The following LRP1B variants were observed in gnomAD, a reference collection of about 807,000 sequenced individuals.
LRP1B encodes the protein low-density lipoprotein receptor-related protein 1B.
Under a neutral mutation model 556.6 loss-of-function variants are expected in LRP1B, and 217 were observed. The ratio of observed to expected loss-of-function variants is 0.39; its 90% CI spans 0.35 to 0.44. The LOEUF is 0.44. Among genes scored for constraint, LRP1B ranks in the 20% least tolerant of loss-of-function variants. The pLI is 1.00. For synonymous variants in LRP1B, 2,047 were observed against 1,865.8 expected, an observed-to-expected ratio of 1.10 and a Z score of -2.50; for missense variants, 5,053 against 5,620.8, an observed-to-expected ratio of 0.90 and a Z score of 3.23.
At chr2:141,358,821 T>C (rs1397737907) in intron 3 of LRP1B, among the ~76,000 whole-genome samples, 1 of 152,092 alleles carries the variant, frequency 6.6e-6, no homozygotes, top group Non-Finnish European at 1.5e-5. Flanking sequence ...TAATTGGAGG[T>C]TCGCATAAAT....
chr2:140,884,150 A>G (rs1693561646), intron 24 of LRP1B, 129 bp from the exon 25 acceptor site: 2 of 817,670 alleles, frequency 2.4e-6, no homozygotes, highest in Non-Finnish European at 3.8e-6. Context: ...AGAGATTGCA[A>G]AAGTGCTACC....
At chr2:141,022,192 G>C (rs1374636482) in intron 11 of LRP1B, among the ~76,000 whole-genome samples, 4 of 151,432 alleles carry the variant, frequency 2.6e-5, no homozygotes, top group Middle Eastern at 3.4e-3. Flanking sequence ...TTTAATTTCT[G>C]TATAATCTTT....
Position 141,424,113 on chromosome 2 carries a change from C to CTTTTTTT in LRP1B, c.343+56276_343+56282dup, listed in dbSNP as rs11465120. 3.6e-5 allele frequency among the ~76,000 whole-genome samples: 5 copies of CTTTTTTT among 137,004 alleles called. 1 individual carries two copies. Among genetic ancestry groups the CTTTTTTT allele is most frequent in the Non-Finnish European group, 1.5e-5 (1 of 64,600 alleles). The allele number at this position is 137,004 out of a possible 152,430, so 89.9% of individuals were successfully genotyped here. On this transcript the variant is annotated intron_variant, in intron 3 of 90. Coordinates refer to ENST00000389484, the MANE Select transcript of LRP1B (RefSeq NM_018557.3). Reference sequence around the variant, plus strand: ...GGAGTTAACTATTACAAGCCTTCATCTTTTTTTTTTTTTTTTTGAGATGGG... The same window carrying CTTTTTTT: ...GGAGTTAACTATTACAAGCCTTCATCTTTTTTTTTTTTTTTTTTTTTTTTGAGATGGG...
chr2:141,932,906 T>C (rs1438526938), intron 1 of LRP1B, among the ~76,000 whole-genome samples: 2 of 152,098 alleles, frequency 1.3e-5, no homozygotes, highest in Non-Finnish European at 2.9e-5. Context: ...CCATCAATTA[T>C]TTATTGATAA....
intron 3 of LRP1B, among the ~76,000 whole-genome samples, chr2:141,376,060 A>T (rs1689421178): frequency 6.6e-6 from 1 of 152,190 alleles, no homozygotes; most frequent in South Asian, 2.1e-4. Context: ...CCAGGATTGC[A>T]GAGGAGTGCC....
intron 3 of LRP1B, among the ~76,000 whole-genome samples, chr2:141,309,118 T>C (rs1376983441): frequency 6.6e-6 from 1 of 152,222 alleles, no homozygotes; most frequent in Non-Finnish European, 1.5e-5. Context: ...ACATGTGAGA[T>C]ACTGCCAGGA....
intron 2 of LRP1B, among the ~76,000 whole-genome samples, chr2:141,745,774 G>T (rs1183293162): frequency 6.6e-6 from 1 of 151,940 alleles, no homozygotes; most frequent in Non-Finnish European, 1.5e-5. Context: ...AGCCACCACA[G>T]CTGGCAATAT....
intron 6 of LRP1B, among the ~76,000 whole-genome samples, chr2:141,227,872 T>G (rs1683305863): frequency 1.3e-5 from 2 of 151,998 alleles, no homozygotes; most frequent in Admixed American, 1.3e-4. Flanking sequence ...AAATCACATT[T>G]ATTCTATCAC....
intron 3 of LRP1B, among the ~76,000 whole-genome samples, chr2:141,269,766 C>T (rs183260559): frequency 3.9e-5 from 6 of 152,132 alleles, no homozygotes; most frequent in Admixed American, 2.0e-4. Flanking sequence ...TAGCAATGTG[C>T]GACCCATATA....
chr2:141,276,533 T>G (rs1685294369), intron 3 of LRP1B, among the ~76,000 whole-genome samples: 1 of 152,156 alleles, frequency 6.6e-6, no homozygotes, highest in Non-Finnish European at 1.5e-5. Context: ...CATTTACTAG[T>G]GAGAACACAT....
Position 140,950,302 on chromosome 2 carries a change from C to T in LRP1B, c.3069G>A (p.Trp1023Ter). Residue 1023 changes from tryptophan (W) to a stop codon, truncating the protein, a stop_gained, in exon 20 of 91, where the codon TGG (tryptophan) becomes TGA (stop). Transcript: ENST00000389484. LOFTEE classifies it high-confidence loss of function. ...CACAGTCATTGTCACCATCACAGGCCCAGTGGCCTGGGATGCATCTGCCAC... is the reference window on the plus strand; with the variant it reads ...CACAGTCATTGTCACCATCACAGGCTCAGTGGCCTGGGATGCATCTGCCAC... ...CSSGRCIPGHWACDGDNDCGD... is the reference protein window; with the variant it reads ...CSSGRCIPGH 1 of 1,613,100 alleles carries T rather than the reference C, an allele frequency of 6.2e-7. No individual in the cohort carries two copies. Among genetic ancestry groups the T allele is most frequent in the Non-Finnish European group, 8.5e-7 (1 of 1,179,504 alleles).
intron 7 of LRP1B, among the ~76,000 whole-genome samples, chr2:141,173,978 T>G (rs1330797928): frequency 6.6e-6 from 1 of 152,056 alleles, no homozygotes; most frequent in Non-Finnish European, 1.5e-5. Context: ...TTATTTTAGA[T>G]AGCATTCTAT....
chr2:141,927,936 A>AG (rs1700381173), intron 1 of LRP1B, among the ~76,000 whole-genome samples: 1 of 151,550 alleles, frequency 6.6e-6, no homozygotes, highest in African/African-American at 2.4e-5. Context: ...AAAGAAAGAA[A>AG]AAAAAAAACA....
At chr2:141,963,264 T>C (rs560215033) in intron 1 of LRP1B, among the ~76,000 whole-genome samples, 56 of 152,042 alleles carry the variant, frequency 3.7e-4, no homozygotes, top group African/African-American at 1.2e-3. Flanking sequence ...TGTTTCTACT[T>C]CTCTTTGGAG....
chr2:141,061,603 G>A (rs376006549), intron 8 of LRP1B, among the ~76,000 whole-genome samples: 2 of 151,572 alleles, frequency 1.3e-5, no homozygotes, highest in African/African-American at 4.8e-5. Flanking sequence ...AAATTTAATC[G>A]AACTTGTTAT....
chr2:140,518,806 T>A (rs10928752), intron 49 of LRP1B, among the ~76,000 whole-genome samples: 2 of 152,252 alleles, frequency 1.3e-5, no homozygotes, highest in Non-Finnish European at 2.9e-5. Context: ...CTTGAAGTTG[T>A]TTATCAGCTT....
At chr2:141,090,578 A>C (rs949522985) in intron 7 of LRP1B, among the ~76,000 whole-genome samples, 5 of 152,206 alleles carry the variant, frequency 3.3e-5, no homozygotes, top group African/African-American at 1.2e-4. Flanking sequence ...TCTCTTATGC[A>C]GATTTTATAG....
At position 140,702,125 on chromosome 2, in the gene LRP1B, T is replaced by C. The variant is rs376407903; in HGVS notation, c.6302+16A>G. The C allele has an allele frequency of 1.2e-5, 19 of 1,611,084 alleles. No individual in the cohort carries two copies. The East Asian group carries it at 1.3e-4, about 11-fold the overall frequency. On this transcript the variant is annotated intron_variant, in intron 39 of 90. Transcript: ENST00000389484. ...TAACATTTTGAGACTCAAATACTTATGAAAAAATAAATTACCTGTCAGACC... is the reference window on the plus strand; with the variant it reads ...TAACATTTTGAGACTCAAATACTTACGAAAAAATAAATTACCTGTCAGACC...
intron 1 of LRP1B, among the ~76,000 whole-genome samples, chr2:142,044,245 C>T (rs532795736): frequency 1.7e-4 from 26 of 151,870 alleles, no homozygotes; most frequent in African/African-American, 6.3e-4. Context: ...TTAGATTCTT[C>T]TATCCGTGGG....
Sources: gnomAD v4.1 joint callset for allele counts (sites outside exome capture counted in the v4.1 genomes callset) on GRCh38, gnomAD v4.1.1 for gene constraint, MANE v1.5 for transcripts, NCBI Gene and HGNC (gene_info 2026-07-23, HGNC 2026-07-21) for gene names.